TMEM232: variants seen among roughly 807,000 people sequenced by gnomAD.
TMEM232 encodes the protein transmembrane protein 232.
A neutral mutation model predicts 78.8 loss-of-function variants in TMEM232; 80 were observed. That is an observed-to-expected ratio of 1.01 (90% CI 0.85 to 1.22). The LOEUF is 1.22. Among genes scored for constraint, TMEM232 ranks in the 50% most tolerant of loss-of-function variants. The pLI, the probability that TMEM232 is intolerant of heterozygous loss-of-function variation, is 0.00. For missense variants in TMEM232, 881 were observed against 742.2 expected (o/e 1.19, Z -2.17); for synonymous variants, 297 against 254.3 (o/e 1.17, Z -1.60).
chr5:110,446,149 G>A (rs990371924), intron 12 of TMEM232, among the ~76,000 whole-genome samples: 1 of 152,102 alleles, frequency 6.6e-6, no homozygotes, highest in African/African-American at 2.4e-5. Context: ...AGACATCAGA[G>A]AATCTCCTGC....
At chr5:110,702,248 G>A (rs924031087) in intron 1 of TMEM232, among the ~76,000 whole-genome samples, 6 of 152,064 alleles carry the variant, frequency 3.9e-5, no homozygotes, top group Admixed American at 6.6e-5. Flanking sequence ...TGAGAGCCAC[G>A]GCAGCATGCT....
intron 12 of TMEM232, among the ~76,000 whole-genome samples, chr5:110,466,249 C>T (rs986977726): frequency 1.3e-5 from 2 of 152,088 alleles, no homozygotes; most frequent in African/African-American, 4.8e-5. Context: ...TCACATAAAC[C>T]AAATTTTTGA....
chr5:110,528,204 TCTTA>T (rs774333698), intron 12 of TMEM232, among the ~76,000 whole-genome samples: 6 of 151,886 alleles, frequency 4.0e-5, no homozygotes, highest in Admixed American at 1.3e-4. Context: ...GTTTTTGAAG[TCTTA>T]CTATGTTCAA....
chr5:110,729,885 A>G (rs1798513940), upstream of TMEM232, among the ~76,000 whole-genome samples: 1 of 152,210 alleles, frequency 6.6e-6, no homozygotes, highest in African/African-American at 2.4e-5. Flanking sequence ...ATCTTCAACC[A>G]AAGTGACACA....
At position 110,618,561 on chromosome 5, in the gene TMEM232, C is replaced by T. The variant is rs1224763647; in HGVS notation, c.770G>A (p.Gly257Glu). The change falls in exon 8 of 14, where the codon GGA becomes GAA. Residue 257 changes from glycine (G) to glutamate (E), a missense_variant and splice_region_variant. Physicochemically the swap from Gly to Glu is moderately conservative, Grantham distance 98. Transcript: ENST00000455884. ...GAGCAGGTGGTTAATTTCATATCCT[C>T]CCTGATTAAATTGCAAATGTTTCAG... The part of the protein sequence containing the change: ...KRYENTDSDM[G>E]GYEINHLLWH... 1 of 1,540,544 alleles carries T rather than the reference C, an allele frequency of 6.5e-7. No homozygotes were observed. Among genetic ancestry groups the T allele is most frequent in the Non-Finnish European group, 8.7e-7 (1 of 1,144,186 alleles).
intron 12 of TMEM232, among the ~76,000 whole-genome samples, chr5:110,494,470 C>T (rs777308836): frequency 6.6e-6 from 1 of 151,910 alleles, no homozygotes; most frequent in Non-Finnish European, 1.5e-5. Flanking sequence ...GTATGTGGAA[C>T]AATGGGAAGT....
intron 12 of TMEM232, among the ~76,000 whole-genome samples, chr5:110,503,643 C>A (rs1766524479): frequency 6.6e-6 from 1 of 152,090 alleles, no homozygotes. Flanking sequence ...GCATCCAGAG[C>A]CTCCTCTACT....
At chr5:110,673,770 C>A (rs973444101) in intron 1 of TMEM232, among the ~76,000 whole-genome samples, 1 of 152,132 alleles carries the variant, frequency 6.6e-6, no homozygotes, top group Non-Finnish European at 1.5e-5. Context: ...GAAAAGCATA[C>A]GCCTATCAGT....
At chr5:110,452,030 T>C (rs967883737) in intron 12 of TMEM232, among the ~76,000 whole-genome samples, 6 of 152,124 alleles carry the variant, frequency 3.9e-5, no homozygotes, top group Non-Finnish European at 5.9e-5. Context: ...AAAACCACCA[T>C]AGACCCTTAT....
At chr5:110,409,778 A>AT (rs1385097984) in intron 2 of TMEM232, among the ~76,000 whole-genome samples, 1 of 151,692 alleles carries the variant, frequency 6.6e-6, no homozygotes, top group Non-Finnish European at 1.5e-5. Flanking sequence ...ATTTGGAATC[A>AT]TTTTTTTGTG....
intron 2 of TMEM232, among the ~76,000 whole-genome samples, chr5:110,652,294 G>GCACACACACA (rs70999969): frequency 0.087 from 12,653 of 145,196 alleles, 570 homozygotes; most frequent in Non-Finnish European, 0.095. Context: ...GCACGCGCGC[G>GCACACACACA]CACACACACA....
chr5:110,473,918 A>AAAAC (rs1762954682), intron 12 of TMEM232, among the ~76,000 whole-genome samples: 17 of 130,804 alleles, frequency 1.3e-4, no homozygotes, highest in East Asian at 4.4e-4. Context: ...AAAAAAAAAA[A>AAAAC]CCCGCAAAAT....
chr5:110,538,652 G>T (rs190500168), intron 11 of TMEM232, among the ~76,000 whole-genome samples: 4 of 152,278 alleles, frequency 2.6e-5, no homozygotes, highest in Admixed American at 2.6e-4. Flanking sequence ...CCCACCAAGG[G>T]GTTCAGTCAG....
intron 3 of TMEM232, among the ~76,000 whole-genome samples, chr5:110,641,559 A>G (rs148012322): frequency 0.01 from 1,526 of 152,256 alleles, 34 homozygotes; most frequent in African/African-American, 0.034. Flanking sequence ...ACTTATCAAA[A>G]GTATACTCTT....
intron 2 of TMEM232, among the ~76,000 whole-genome samples, chr5:110,657,365 A>G (rs1434820888): frequency 7.0e-6 from 1 of 143,766 alleles, no homozygotes; most frequent in Non-Finnish European, 1.5e-5. Context: ...GCATCTAATG[A>G]TGAATGGATA....
intron 10 of TMEM232, among the ~76,000 whole-genome samples, chr5:110,591,787 A>G (rs1779571674): frequency 6.6e-6 from 1 of 152,184 alleles, no homozygotes; most frequent in South Asian, 2.1e-4. Flanking sequence ...TTCACTCTCA[A>G]CAAAAGACTT....
At chr5:110,523,966 A>AGGGGGGGG (rs1230285778) in intron 12 of TMEM232, among the ~76,000 whole-genome samples, 4 of 41,232 alleles carry the variant, frequency 9.7e-5, no homozygotes, top group Admixed American at 3.9e-4. Flanking sequence ...AAAAAAAAAA[A>AGGGGGGGG]GGGGGGGGGG....
intron 2 of TMEM232, among the ~76,000 whole-genome samples, chr5:110,650,461 G>C (rs1252135098): frequency 6.6e-6 from 1 of 152,096 alleles, no homozygotes; most frequent in Non-Finnish European, 1.5e-5. Context: ...CACTGCTCCA[G>C]CCAGGTGATC....
chr5:110,458,561 G>A (rs1365501534), intron 12 of TMEM232, among the ~76,000 whole-genome samples: 4 of 152,094 alleles, frequency 2.6e-5, no homozygotes, highest in African/African-American at 9.7e-5. Context: ...ACGGCACTAA[G>A]CCTAGCTATA....
Sources: gnomAD v4.1 joint callset for allele counts (sites outside exome capture counted in the v4.1 genomes callset) on GRCh38, gnomAD v4.1.1 for gene constraint, MANE v1.5 for transcripts, NCBI Gene and HGNC (gene_info 2026-07-23, HGNC 2026-07-21) for gene names.